The following SHISA6 variants were observed in gnomAD, a reference collection of about 807,000 sequenced individuals.
SHISA6 encodes protein shisa-6.
SHISA6 carries 22 observed loss-of-function variants against 47.9 expected under a neutral mutation model. That is an observed-to-expected ratio of 0.46 (90% CI 0.33 to 0.66). The LOEUF is 0.66. SHISA6 is among the 30% of genes least tolerant of loss of function. The probability of loss-of-function intolerance (pLI) is 0.02; values close to 1 mark genes in which losing one functional copy is unlikely to be tolerated. For missense variants in SHISA6, 680 were observed against 764.6 expected, an observed-to-expected ratio of 0.89 and a Z score of 1.30; for synonymous variants, 388 against 337.8, an observed-to-expected ratio of 1.15 and a Z score of -1.63.
rs188978291 is a variant in SHISA6, at chr17:11,296,497, C to T, written c.799+32971C>T. Among the ~76,000 whole-genome samples the T allele has an allele frequency of 2.0e-5, 3 of 152,134 alleles. No homozygotes were observed. The East Asian group carries it at 5.8e-4, about 29-fold the overall frequency. Reference sequence around the variant, plus strand: ...ACTGAGATGGATCCCAGGTGTTTGACTATAGTGGTGCCATTTAATGGAATA... The same window carrying T: ...ACTGAGATGGATCCCAGGTGTTTGATTATAGTGGTGCCATTTAATGGAATA... On this transcript the variant is annotated intron_variant, in intron 2 of 5. Transcript: ENST00000441885.
At chr17:11,469,560 G>C (rs1915888782) in intron 3 of SHISA6, among the ~76,000 whole-genome samples, 1 of 152,186 alleles carries the variant, frequency 6.6e-6, no homozygotes, top group African/African-American at 2.4e-5. Context: ...TCTGCTTAAA[G>C]GAAGAAAGCA....
chr17:11,387,136 G>T (rs1390702236), intron 3 of SHISA6, among the ~76,000 whole-genome samples: 1 of 152,156 alleles, frequency 6.6e-6, no homozygotes, highest in Admixed American at 6.6e-5. Flanking sequence ...GACAAGGCCA[G>T]AATGCAAGAA....
chr17:11,355,349 C>T (rs1325434969), intron 2 of SHISA6, among the ~76,000 whole-genome samples: 1 of 152,246 alleles, frequency 6.6e-6, no homozygotes, highest in African/African-American at 2.4e-5. Context: ...TTACCTTGTA[C>T]ATAGGTCTCC....
intron 2 of SHISA6, among the ~76,000 whole-genome samples, chr17:11,357,966 A>G (rs1912129573): frequency 6.6e-6 from 1 of 152,216 alleles, no homozygotes; most frequent in Non-Finnish European, 1.5e-5. Context: ...AAGGAAGTTC[A>G]TCTCTTCTTA....
intron 3 of SHISA6, among the ~76,000 whole-genome samples, chr17:11,540,218 C>A (rs1196974270): frequency 6.6e-6 from 1 of 152,176 alleles, no homozygotes; most frequent in Non-Finnish European, 1.5e-5. Flanking sequence ...TGTATCGACT[C>A]TCCACCCTTC....
chr17:11,342,729 A>G (rs1243043160), intron 2 of SHISA6, among the ~76,000 whole-genome samples: 2 of 152,238 alleles, frequency 1.3e-5, no homozygotes, highest in African/African-American at 2.4e-5. Context: ...GATTCTGTGC[A>G]GAAGTGGGCA....
chr17:11,278,285 C>T (rs7210183), intron 2 of SHISA6, among the ~76,000 whole-genome samples: 45,105 of 149,856 alleles, frequency 0.3, 7,000 homozygotes, highest in Middle Eastern at 0.35. Flanking sequence ...CAGAATGTTA[C>T]CCCACAACAA....
intron 3 of SHISA6, among the ~76,000 whole-genome samples, chr17:11,497,827 C>A (rs936352458): frequency 6.6e-6 from 1 of 152,092 alleles, no homozygotes; most frequent in Non-Finnish European, 1.5e-5. Context: ...GCTCAGACAC[C>A]TCCTCACCCC....
At chr17:11,426,820 C>A (rs1447824095) in intron 3 of SHISA6, among the ~76,000 whole-genome samples, 2 of 152,008 alleles carry the variant, frequency 1.3e-5, no homozygotes, top group Non-Finnish European at 2.9e-5. Context: ...GATTAGAAAG[C>A]CTTTCTCTAT....
chr17:11,262,984 G>A (rs1908288559), intron 1 of SHISA6, among the ~76,000 whole-genome samples: 1 of 152,130 alleles, frequency 6.6e-6, no homozygotes, highest in South Asian at 2.1e-4. Flanking sequence ...TTAGTGACCT[G>A]CTGCTGAATT....
At chr17:11,359,304 A>T (rs902904930) in intron 2 of SHISA6, among the ~76,000 whole-genome samples, 2 of 152,156 alleles carry the variant, frequency 1.3e-5, no homozygotes, top group Non-Finnish European at 2.9e-5. Context: ...ACTAAACCAT[A>T]TTTTCTTAAA....
chr17:11,500,291 G>A (rs1031822553), intron 3 of SHISA6, among the ~76,000 whole-genome samples: 2 of 152,308 alleles, frequency 1.3e-5, no homozygotes, highest in African/African-American at 2.4e-5. Context: ...AAGCAGCGTC[G>A]TGGTGCCCCA....
At chr17:11,387,664 G>A (rs1913241766) in intron 3 of SHISA6, among the ~76,000 whole-genome samples, 1 of 152,180 alleles carries the variant, frequency 6.6e-6, no homozygotes, top group African/African-American at 2.4e-5. Context: ...GAATTGGTGG[G>A]GGATGTGAGA....
chr17:11,470,306 T>G (rs1915906236), intron 3 of SHISA6, among the ~76,000 whole-genome samples: 1 of 152,228 alleles, frequency 6.6e-6, no homozygotes, highest in Non-Finnish European at 1.5e-5. Context: ...TCAGAGCATT[T>G]CTGCTGTTTT....
chr17:11,301,960 C>A (rs1015959990), intron 2 of SHISA6, among the ~76,000 whole-genome samples: 2 of 152,064 alleles, frequency 1.3e-5, no homozygotes, highest in Non-Finnish European at 2.9e-5. Context: ...TGGTGGGAGG[C>A]AAAAGGCACT....
chr17:11,253,947 T>G (rs1907914916), intron 1 of SHISA6, among the ~76,000 whole-genome samples: 1 of 152,180 alleles, frequency 6.6e-6, no homozygotes, highest in Non-Finnish European at 1.5e-5. Context: ...TGTGGTTCTC[T>G]CTCAGTGGCC....
intron 3 of SHISA6, among the ~76,000 whole-genome samples, chr17:11,402,799 T>C (rs7210236): frequency 0.032 from 4,900 of 152,284 alleles, 257 homozygotes; most frequent in African/African-American, 0.11. Context: ...TTGTGGAAAC[T>C]GTGAGGCACT....
rs200704414 is a variant in SHISA6 at position 11,472,468 on chromosome 17, G to A, written c.896-79428G>A. Among the ~76,000 whole-genome samples, 5 of 152,154 alleles carry A rather than the reference G, an allele frequency of 3.3e-5. No individual in the cohort carries two copies. In the East Asian group the frequency reaches 9.7e-4, roughly 29 times the overall value. On this transcript the variant is annotated intron_variant, in intron 3 of 5. Coordinates refer to ENST00000441885, the MANE Select transcript of SHISA6 (RefSeq NM_207386.4). ...TCTACCTTGGCCACCCAAAGTGCTG[G>A]GATTATAGGCATGAACCATGGTGCC...
At chr17:11,508,193 C>T (rs2071515997) in intron 3 of SHISA6, among the ~76,000 whole-genome samples, 1 of 152,216 alleles carries the variant, frequency 6.6e-6, no homozygotes, top group Non-Finnish European at 1.5e-5. Context: ...GTGTGACTGT[C>T]TTAGTCATTC....
Sources: gnomAD v4.1 joint callset for allele counts (sites outside exome capture counted in the v4.1 genomes callset) on GRCh38, gnomAD v4.1.1 for gene constraint, MANE v1.5 for transcripts, NCBI Gene and HGNC (gene_info 2026-07-23, HGNC 2026-07-21) for gene names.